Variants in SYNE1 observed in about 807,000 individuals in gnomAD.
SYNE1 encodes the protein spectrin repeat containing nuclear envelope protein 1.
A neutral mutation model predicts 1,111.0 loss-of-function variants in SYNE1; 616 were observed. The ratio of observed to expected loss-of-function variants is 0.55; its 90% CI spans 0.52 to 0.59. The LOEUF (loss-of-function observed/expected upper bound fraction) is 0.59, where lower values mean the gene tolerates loss of function less well. SYNE1 is among the 20% of genes least tolerant of loss of function. SYNE1 has a pLI of 0.00. For missense variants in SYNE1, 10,006 were observed against 10,417.0 expected (o/e 0.96, Z 1.72); for synonymous variants, 3,855 against 3,825.8 (o/e 1.01, Z -0.28).
At chr6:152,598,338 C>G (rs1316711640) in intron 3 of SYNE1, among the ~76,000 whole-genome samples, 2 of 152,118 alleles carry the variant, frequency 1.3e-5, no homozygotes, top group African/African-American at 4.8e-5. Context: ...CACCTTCCAC[C>G]ATTATTGTGA....
At position 152,416,915 on chromosome 6, in the gene SYNE1, A is replaced by AG; in HGVS notation, c.5521dup (p.Leu1841ProfsTer7). 6.2e-7 allele frequency: 1 copy of AG among 1,614,060 alleles called. No individual in the cohort carries two copies. The highest frequency in any genetic ancestry group is 8.5e-7 in the Non-Finnish European group (1 of 1,179,990). On this transcript the variant is annotated frameshift_variant, in exon 41 of 146. Transcript: ENST00000367255. LOFTEE classifies it high-confidence loss of function. ...GCAGTCCTCAGCCTTTCCCTGCAGG[A>AG]GGTGGAGGTCCTCAGCACGGCCCAG...
At chr6:152,587,515 A>C (rs1042438010) in intron 3 of SYNE1, among the ~76,000 whole-genome samples, 5 of 152,220 alleles carry the variant, frequency 3.3e-5, no homozygotes. Context: ...ACTAGTAGAA[A>C]AGCAAAGGAT....
At chr6:152,556,653 T>C (rs1404028718) in intron 3 of SYNE1, among the ~76,000 whole-genome samples, 1 of 152,132 alleles carries the variant, frequency 6.6e-6, no homozygotes, top group Non-Finnish European at 1.5e-5. Flanking sequence ...TGGTCCAAAA[T>C]ATCAACTCAG....
chr6:152,156,201 T>TA lies in SYNE1; in HGVS notation c.23791-105dup. The TA allele has an allele frequency of 5.0e-6, 6 of 1,202,262 alleles. No individual in the cohort carries two copies. The South Asian group carries it at 7.6e-5, about 15-fold the overall frequency. 74.5% of individuals were successfully genotyped at this position (1,202,262 alleles called of 1,614,324 possible). ...AATGGCTAGGCTACACCTTGACAAA[T>TA]ATTTAATTTCCTTGAATGTATGACA... On this transcript the variant is annotated intron_variant, in intron 131 of 145. Coordinates refer to ENST00000367255, the MANE Select transcript of SYNE1 (RefSeq NM_182961.4).
intron 28 of SYNE1, 28 bp downstream of exon 28, chr6:152,449,505 C>T: frequency 1.3e-6 from 2 of 1,532,630 alleles, no homozygotes; most frequent in South Asian, 1.1e-5. Flanking sequence ...AGAAATTTTC[C>T]TCTAGCAAAT....
At chr6:152,364,085 G>A (rs537701241) in intron 63 of SYNE1, among the ~76,000 whole-genome samples, 16 of 152,236 alleles carry the variant, frequency 1.1e-4, no homozygotes, top group South Asian at 4.2e-4. Flanking sequence ...TGCTGTTCTC[G>A]TGATAGTCAG....
intron 72 of SYNE1, among the ~76,000 whole-genome samples, chr6:152,348,886 A>G (rs1421554201): frequency 2.0e-5 from 3 of 152,084 alleles, no homozygotes. Context: ...GCGCTGGGCT[A>G]GCAGTTATCA....
intron 3 of SYNE1, among the ~76,000 whole-genome samples, chr6:152,577,949 T>A (rs2099505742): frequency 6.6e-6 from 1 of 152,202 alleles, no homozygotes; most frequent in African/African-American, 2.4e-5. Context: ...CCACATCTTC[T>A]CTACATCCTG....
chr6:152,192,089 T>C (rs554245965), intron 127 of SYNE1, among the ~76,000 whole-genome samples: 2 of 152,354 alleles, frequency 1.3e-5, no homozygotes, highest in African/African-American at 4.8e-5. Flanking sequence ...CTAGTTTTAT[T>C]CCATTATGAT....
intron 21 of SYNE1, 136 bp downstream of exon 21, chr6:152,461,461 A>C: frequency 9.2e-7 from 1 of 1,084,354 alleles, no homozygotes; most frequent in Non-Finnish European, 1.4e-6. Context: ...CAAAGTTACT[A>C]AATTGAGAAT....
chr6:152,213,815 C>G, intron 122 of SYNE1, 56 bp from the exon 123 acceptor site: 1 of 1,607,432 alleles, frequency 6.2e-7, no homozygotes, highest in South Asian at 1.1e-5. Context: ...TCTTACTTCT[C>G]TAGCATATAA....
intron 8 of SYNE1, among the ~76,000 whole-genome samples, chr6:152,508,986 C>T (rs2099071664): frequency 6.6e-6 from 1 of 152,010 alleles, no homozygotes; most frequent in Non-Finnish European, 1.5e-5. Flanking sequence ...TTTAGTACCT[C>T]AATATTTTAT....
At chr6:152,630,864 C>T (rs1037948498) in intron 2 of SYNE1, among the ~76,000 whole-genome samples, 15 of 152,198 alleles carry the variant, frequency 9.9e-5, no homozygotes, top group African/African-American at 3.6e-4. Flanking sequence ...TTCACATTCA[C>T]ATAGCTTGGT....
chr6:152,549,410 A>G (rs2099329374), intron 3 of SYNE1, among the ~76,000 whole-genome samples: 1 of 152,246 alleles, frequency 6.6e-6, no homozygotes, highest in African/African-American at 2.4e-5. Context: ...TTTGTTACAC[A>G]GCAAAGGCTA....
At position 152,326,121 on chromosome 6, in the gene SYNE1, A is replaced by C; in HGVS notation, c.15294-19T>G. 1 of 1,614,126 alleles carries C rather than the reference A, an allele frequency of 6.2e-7. No individual in the cohort carries two copies. Among genetic ancestry groups the C allele is most frequent in the Non-Finnish European group, 8.5e-7 (1 of 1,180,034 alleles). On this transcript the variant is annotated intron_variant, in intron 79 of 145. Transcript: ENST00000367255. ...TGTGCATCTTGAAAGAGTCCAACAG[A>C]AACTGATAAGTAGCACGAAATCACG...
intron 4 of SYNE1, among the ~76,000 whole-genome samples, chr6:152,532,240 T>C (rs1309289757): frequency 6.6e-6 from 1 of 152,202 alleles, no homozygotes; most frequent in East Asian, 1.9e-4. Context: ...TTTTCAGTAT[T>C]AATAATTTAG....
Position 152,358,923 on chromosome 6 carries a change from C to T in SYNE1, c.10444-386G>A, listed in dbSNP as rs1006358304. ...ATTAAATTTTCCATAGTAGAATGCG[C>T]TCTGAAAAAGCATATTTATTTTCTT... On this transcript the variant is annotated intron_variant, in intron 65 of 145. Transcript: ENST00000367255. Among the ~76,000 whole-genome samples, 53 of 152,138 alleles carry T rather than the reference C, an allele frequency of 3.5e-4. 1 individual carries two copies. Among genetic ancestry groups the T allele is most frequent in the Admixed American group, 3.2e-3 (49 of 15,284 alleles).
chr6:152,216,207 T>C (rs980228419), intron 121 of SYNE1, among the ~76,000 whole-genome samples: 5 of 152,188 alleles, frequency 3.3e-5, no homozygotes, highest in African/African-American at 1.2e-4. Context: ...AACTGTTAAA[T>C]GGCATAATGT....
At chr6:152,180,593 T>G (rs2067719139) in intron 128 of SYNE1, among the ~76,000 whole-genome samples, 1 of 103,706 alleles carries the variant, frequency 9.6e-6, no homozygotes, top group Non-Finnish European at 2.0e-5. Context: ...AAAGAAGAAA[T>G]GGAAAAGAGT....
Sources: allele counts gnomAD v4.1 joint callset (sites outside exome capture counted in the v4.1 genomes callset), GRCh38; gene constraint gnomAD v4.1.1; transcripts MANE v1.5; gene names NCBI Gene and HGNC (gene_info 2026-07-23, HGNC 2026-07-21).